Variants in PAM observed in about 807,000 individuals in gnomAD.
The protein encoded by PAM is peptidylglycine alpha-amidating monooxygenase.
A neutral mutation model predicts 122.1 loss-of-function variants in PAM; 72 were observed. The observed-to-expected ratio is 0.59, with a 90% CI of 0.49 to 0.72. The LOEUF (loss-of-function observed/expected upper bound fraction) is 0.72, where lower values mean the gene tolerates loss of function less well. Ranked by LOEUF, PAM falls within the 30% of genes least tolerant of loss-of-function variation. PAM has a pLI of 0.00. For synonymous variants in PAM, 389 were observed against 404.4 expected (o/e 0.96, Z 0.46); for missense variants, 1,106 against 1,183.7 (o/e 0.93, Z 0.96).
chr5:102,805,022 A>C (rs1261256444), intron 1 of PAM, among the ~76,000 whole-genome samples: 1 of 151,744 alleles, frequency 6.6e-6, no homozygotes, highest in Non-Finnish European at 1.5e-5. Context: ...TTTCTTTAGG[A>C]AATAGTGCTG....
At chr5:102,924,433 C>CAAAAAA (rs989089756) in intron 5 of PAM, among the ~76,000 whole-genome samples, 1 of 52,220 alleles carries the variant, frequency 1.9e-5, no homozygotes, top group Non-Finnish European at 4.4e-5. Context: ...AACTCCGTCT[C>CAAAAAA]AAAAAAAAAA....
intron 8 of PAM, among the ~76,000 whole-genome samples, chr5:102,947,921 C>T (rs1011823918): frequency 5.9e-5 from 9 of 152,108 alleles, no homozygotes; most frequent in African/African-American, 2.2e-4. Flanking sequence ...ATTGGAAATT[C>T]AAGGAAGGGT....
intron 7 of PAM, among the ~76,000 whole-genome samples, chr5:102,929,590 G>A (rs1750734221): frequency 6.6e-6 from 1 of 152,186 alleles, no homozygotes; most frequent in African/African-American, 2.4e-5. Context: ...GTGGGGAAAT[G>A]TTTGGCTTAA....
intron 14 of PAM, among the ~76,000 whole-genome samples, chr5:102,968,597 A>G (rs1054150932): frequency 3.3e-5 from 5 of 152,146 alleles, no homozygotes; most frequent in African/African-American, 1.2e-4. Flanking sequence ...AAACGTCTCC[A>G]TTTTTCTAGG....
At chr5:102,760,665 G>C (rs1423858230) in intron 1 of PAM, among the ~76,000 whole-genome samples, 1 of 152,154 alleles carries the variant, frequency 6.6e-6, no homozygotes, top group East Asian at 1.9e-4. Flanking sequence ...CTGGTTTAAA[G>C]CTTCAAATTT....
intron 24 of PAM, 101 bp from the exon 25 acceptor site, chr5:103,028,084 C>T: frequency 3.4e-6 from 3 of 873,698 alleles, no homozygotes; most frequent in Non-Finnish European, 5.7e-6. Flanking sequence ...CCAGGCCTTG[C>T]TTTATCATTT....
intron 14 of PAM, among the ~76,000 whole-genome samples, chr5:102,962,288 T>C (rs1762735639): frequency 6.6e-6 from 1 of 151,808 alleles, no homozygotes; most frequent in South Asian, 2.1e-4. Flanking sequence ...AAATACAGCT[T>C]AGCTCAAAGC....
intron 1 of PAM, among the ~76,000 whole-genome samples, chr5:102,833,993 A>G (rs902277286): frequency 3.9e-5 from 6 of 152,320 alleles, no homozygotes; most frequent in African/African-American, 1.4e-4. Flanking sequence ...AATCAAAGGC[A>G]TATATAATTG....
chr5:102,855,631 T>C (rs1782443473), intron 1 of PAM, among the ~76,000 whole-genome samples: 1 of 152,148 alleles, frequency 6.6e-6, no homozygotes, highest in African/African-American at 2.4e-5. Flanking sequence ...ACCTCCTGCC[T>C]CTGAAGTCGT....
At chr5:102,828,918 GTT>G (rs58045947) in intron 1 of PAM, among the ~76,000 whole-genome samples, 58,103 of 125,552 alleles carry the variant, frequency 0.46, 10,878 homozygotes, top group Middle Eastern at 0.59. Flanking sequence ...CTACCTCAGG[GTT>G]TTTTTTTTTT....
intron 1 of PAM, among the ~76,000 whole-genome samples, chr5:102,789,986 G>T (rs1476705875): frequency 6.6e-6 from 1 of 151,954 alleles, no homozygotes; most frequent in African/African-American, 2.4e-5. Context: ...TTCTTATCTT[G>T]TATGTGATCT....
chr5:102,828,580 A>C (rs1038553796), intron 1 of PAM, among the ~76,000 whole-genome samples: 1 of 152,116 alleles, frequency 6.6e-6, no homozygotes, highest in East Asian at 1.9e-4. Flanking sequence ...TCTCTAATCT[A>C]TAAAATGGGG....
chr5:103,010,128 A>G (rs1780189672), intron 21 of PAM, among the ~76,000 whole-genome samples: 1 of 152,202 alleles, frequency 6.6e-6, no homozygotes, highest in Admixed American at 6.5e-5. Context: ...GTAGAACTGC[A>G]CCTGCATATG....
chr5:102,995,522 A>T (rs1775446651), intron 16 of PAM, among the ~76,000 whole-genome samples: 2 of 152,020 alleles, frequency 1.3e-5, no homozygotes, highest in South Asian at 4.1e-4. Flanking sequence ...TGTTTTTGAG[A>T]CTTGCATCAA....
At chr5:102,975,228 C>T (rs566944666) in intron 15 of PAM, among the ~76,000 whole-genome samples, 56 of 152,186 alleles carry the variant, frequency 3.7e-4, no homozygotes, top group African/African-American at 1.2e-3. Context: ...AAAAAAGTAA[C>T]GGATATGCGT....
downstream of PAM, chr5:103,030,130 G>A (rs1786051842): frequency 1.3e-5 from 2 of 152,038 alleles, no homozygotes; most frequent in South Asian, 4.1e-4. Flanking sequence ...AGGACTTTGG[G>A]AGGCCAAGCA....
intron 21 of PAM, among the ~76,000 whole-genome samples, chr5:103,016,738 A>T (rs1214720670): frequency 6.6e-6 from 1 of 152,194 alleles, no homozygotes; most frequent in African/African-American, 2.4e-5. Context: ...CTGACTGAAA[A>T]CATCACAAAC....
At chr5:102,960,338 A>C (rs1483406528) in intron 13 of PAM, among the ~76,000 whole-genome samples, 2 of 151,934 alleles carry the variant, frequency 1.3e-5, no homozygotes, top group Non-Finnish European at 2.9e-5. Context: ...CACTTAATTC[A>C]TGTTTTCTCA....
intron 1 of PAM, among the ~76,000 whole-genome samples, chr5:102,799,618 G>T (rs460586): frequency 0.41 from 61,920 of 151,852 alleles, 13,236 homozygotes; most frequent in African/African-American, 0.53. Context: ...AAAATGAAAC[G>T]GGTAATGAAC....
Sources: allele counts gnomAD v4.1 joint callset (sites outside exome capture counted in the v4.1 genomes callset), GRCh38; gene constraint gnomAD v4.1.1; transcripts MANE v1.5; gene names NCBI Gene and HGNC (gene_info 2026-07-23, HGNC 2026-07-21).